Variants in EYS observed in about 807,000 individuals in gnomAD.
EYS encodes the protein protein eyes shut homolog.
EYS carries 250 observed loss-of-function variants against 282.1 expected under a neutral mutation model. The ratio of observed to expected loss-of-function variants is 0.89; its 90% confidence interval spans 0.80 to 0.98. The LOEUF (loss-of-function observed/expected upper bound fraction) is 0.98. Ranked by LOEUF, EYS falls within the 50% of genes least tolerant of loss-of-function variation. The probability of loss-of-function intolerance (pLI) is 0.00; values close to 1 mark genes in which losing one functional copy is unlikely to be tolerated. For missense variants in EYS, 4,016 were observed against 3,709.0 expected (o/e 1.08, Z -2.15); for synonymous variants, 1,355 against 1,282.9 (o/e 1.06, Z -1.20).
intron 23 of EYS, among the ~76,000 whole-genome samples, chr6:64,622,867 A>G (rs1180264916): frequency 1.3e-5 from 2 of 152,200 alleles, no homozygotes; most frequent in African/African-American, 4.8e-5. Context: ...TTAAAAATCA[A>G]TGACAGAGAA....
intron 13 of EYS, among the ~76,000 whole-genome samples, chr6:65,003,797 T>C (rs1771545520): frequency 6.8e-6 from 1 of 147,706 alleles, no homozygotes; most frequent in Non-Finnish European, 1.5e-5. Context: ...AAATATATTT[T>C]AAAGGAGGTG....
intron 22 of EYS, among the ~76,000 whole-genome samples, chr6:64,751,832 T>C (rs1482457804): frequency 6.6e-6 from 1 of 152,092 alleles, no homozygotes; most frequent in Non-Finnish European, 1.5e-5. Context: ...TCCCAGGACA[T>C]CACTACTACA....
intron 2 of EYS, among the ~76,000 whole-genome samples, chr6:65,627,445 G>A (rs9453348): frequency 5.9e-5 from 9 of 152,150 alleles, no homozygotes; most frequent in Non-Finnish European, 1.0e-4. Context: ...GGAGCCCTTC[G>A]GCCGCCGCTG....
intron 22 of EYS, among the ~76,000 whole-genome samples, chr6:64,634,769 A>C (rs1403498301): frequency 6.6e-6 from 1 of 152,204 alleles, no homozygotes; most frequent in East Asian, 1.9e-4. Flanking sequence ...TACACTGAGA[A>C]CTTTGGTTAA....
chr6:64,333,762 C>T (rs1396154804), intron 29 of EYS, among the ~76,000 whole-genome samples: 2 of 152,150 alleles, frequency 1.3e-5, no homozygotes, highest in Non-Finnish European at 2.9e-5. Context: ...TTTCAAGGAA[C>T]ACTTTAATCC....
chr6:65,401,041 T>G (rs1254541162), intron 7 of EYS, among the ~76,000 whole-genome samples: 1 of 151,926 alleles, frequency 6.6e-6, no homozygotes, highest in East Asian at 1.9e-4. Flanking sequence ...ATCTATTAAA[T>G]TATAAACACT....
intron 1 of EYS, among the ~76,000 whole-genome samples, chr6:65,694,864 T>C (rs1180074865): frequency 6.6e-6 from 1 of 151,972 alleles, no homozygotes; most frequent in African/African-American, 2.4e-5. Context: ...AAGTGTTTAA[T>C]AATCTCAAGA....
intron 2 of EYS, among the ~76,000 whole-genome samples, chr6:65,540,324 G>A (rs1041404857): frequency 1.3e-5 from 2 of 152,108 alleles, no homozygotes; most frequent in East Asian, 1.9e-4. Context: ...AATAAAGAGG[G>A]TGAGGAGAAA....
intron 22 of EYS, among the ~76,000 whole-genome samples, chr6:64,754,334 A>G (rs1031131980): frequency 1.3e-5 from 2 of 152,090 alleles, no homozygotes; most frequent in African/African-American, 4.8e-5. Context: ...AAAGGAGTGA[A>G]ATAGAATTAG....
At chr6:64,141,988 C>A (rs1774351907) in intron 31 of EYS, among the ~76,000 whole-genome samples, 1 of 152,076 alleles carries the variant, frequency 6.6e-6, no homozygotes, top group South Asian at 2.1e-4. Context: ...AAGTTTGAAT[C>A]AGATATATTC....
chr6:64,449,710 T>A (rs1200130570), intron 26 of EYS, among the ~76,000 whole-genome samples: 1 of 152,148 alleles, frequency 6.6e-6, no homozygotes, highest in Non-Finnish European at 1.5e-5. Flanking sequence ...CTCAACATTC[T>A]TAAAGAAAAG....
intron 2 of EYS, among the ~76,000 whole-genome samples, chr6:65,631,724 G>T (rs150424369): frequency 1.3e-5 from 2 of 152,238 alleles, no homozygotes; most frequent in Admixed American, 6.5e-5. Context: ...AAATAAGATT[G>T]TGTCAGCAGT....
rs192170613 is a variant in EYS, at chr6:63,735,778, G to A, written c.8072-9098C>T. ...TGTCCAGGATGCCCTTCAGGAATGCGTTACATTTAGTTGTCATGTCTCTTC... is the reference window on the plus strand; with the variant it reads ...TGTCCAGGATGCCCTTCAGGAATGCATTACATTTAGTTGTCATGTCTCTTC... On this transcript the variant is annotated intron_variant, in intron 41 of 42. Transcript: ENST00000503581. Among the ~76,000 whole-genome samples the A allele has an allele frequency of 1.2e-4, 18 of 152,174 alleles. No individual in the cohort carries two copies. In the East Asian group the frequency reaches 2.5e-3, roughly 21 times the overall value.
chr6:64,806,654 G>C (rs1438050468), intron 22 of EYS, among the ~76,000 whole-genome samples: 4 of 151,816 alleles, frequency 2.6e-5, no homozygotes, highest in African/African-American at 9.7e-5. Flanking sequence ...AAATAGTAAG[G>C]GCAAGAATAT....
chr6:64,728,265 TA>T (rs144021153), intron 22 of EYS, among the ~76,000 whole-genome samples: 2,932 of 149,928 alleles, frequency 0.02, 112 homozygotes, highest in African/African-American at 0.066. Context: ...TAAACCTGTG[TA>T]AAAAAAAAAT....
At chr6:64,886,972 T>G (rs1037424880) in intron 18 of EYS, 130 bp from the exon 19 acceptor site, 4 of 652,302 alleles carry the variant, frequency 6.1e-6, no homozygotes, top group Non-Finnish European at 9.4e-6. Context: ...GTATTTCATT[T>G]TTTTCTTTGA....
chr6:65,351,026 G>T (rs1014067939), intron 9 of EYS, among the ~76,000 whole-genome samples: 2 of 151,594 alleles, frequency 1.3e-5, no homozygotes. Context: ...AGATCTTAAT[G>T]GCAATTATCA....
chr6:63,778,031 A>G lies in EYS; in HGVS notation c.7873T>C (p.Cys2625Arg), dbSNP rs751128329. 1 of 1,551,576 alleles carries G rather than the reference A, an allele frequency of 6.4e-7. No individual in the cohort carries two copies. The highest frequency in any genetic ancestry group is 2.0e-5 in the Admixed American group (1 of 50,982). ...SLMKCGNGGT[C>R]IESGTSVYCN... ...TAAACACTAGTTCCACTCTCTATGC[A>G]TGTCCCACCATTGCCACATTTCATT... Residue 2625 changes from cysteine (C) to arginine (R), a missense_variant, in exon 40 of 43, where the codon TGC (cysteine) becomes CGC (arginine). Transcript: ENST00000503581.
intron 31 of EYS, among the ~76,000 whole-genome samples, chr6:64,214,309 G>A (rs1326093905): frequency 6.6e-6 from 1 of 152,032 alleles, no homozygotes; most frequent in Non-Finnish European, 1.5e-5. Context: ...TGCATTTTCT[G>A]CCAATATATG....
Sources: allele counts gnomAD v4.1 joint callset (sites outside exome capture counted in the v4.1 genomes callset), GRCh38; gene constraint gnomAD v4.1.1; transcripts MANE v1.5; gene names NCBI Gene and HGNC (gene_info 2026-07-23, HGNC 2026-07-21).